Variants in CDH23 observed in about 807,000 individuals in gnomAD.
The protein encoded by CDH23 is cadherin related 23.
Under a neutral mutation model 317.1 loss-of-function variants are expected in CDH23, and 189 were observed. The observed-to-expected ratio is 0.60, with a 90% CI of 0.53 to 0.67. The LOEUF (loss-of-function observed/expected upper bound fraction) is 0.67, where lower values mean the gene tolerates loss of function less well. Among genes scored for constraint, CDH23 ranks in the 30% least tolerant of loss-of-function variants. The probability of loss-of-function intolerance (pLI) is 0.00; values close to 1 mark genes in which losing one functional copy is unlikely to be tolerated. For missense variants in CDH23, 4,401 were observed against 4,592.4 expected, an observed-to-expected ratio of 0.96 and a Z score of 1.20; for synonymous variants, 1,839 against 1,876.8, an observed-to-expected ratio of 0.98 and a Z score of 0.52.
intron 1 of CDH23, among the ~76,000 whole-genome samples, chr10:71,413,989 ATTTTTGTGTGTTGAT>A (rs1291199546): frequency 6.8e-6 from 1 of 147,132 alleles, no homozygotes; most frequent in Non-Finnish European, 1.5e-5. Context: ...AATACAACTG[ATTTTTGTGTGTTGAT>A]TTTTTGTACT....
chr10:71,706,025 A>G (rs554582498), intron 25 of CDH23, among the ~76,000 whole-genome samples: 19 of 151,914 alleles, frequency 1.3e-4, no homozygotes, highest in Admixed American at 2.0e-4. Context: ...CAGTTTCAGG[A>G]CCCCCTTATT....
chr10:71,440,196 C>T (rs974143986), intron 2 of CDH23, among the ~76,000 whole-genome samples: 1 of 152,286 alleles, frequency 6.6e-6, no homozygotes, highest in African/African-American at 2.4e-5. Context: ...CGTCCTCCTC[C>T]TGGGGTGCAG....
At chr10:71,633,895 T>G (rs891468233) in intron 11 of CDH23, among the ~76,000 whole-genome samples, 3 of 152,168 alleles carry the variant, frequency 2.0e-5, no homozygotes, top group Non-Finnish European at 4.4e-5. Flanking sequence ...GAATCACTCT[T>G]GGAGGAGAGG....
At chr10:71,734,630 C>T (rs1311618229) in intron 33 of CDH23, 26 bp from the exon 34 acceptor site, 4 of 1,523,028 alleles carry the variant, frequency 2.6e-6, no homozygotes, top group Non-Finnish European at 3.6e-6. Flanking sequence ...CTCTCACTCC[C>T]CTCCTGCTGC....
At chr10:71,671,858 C>T (rs1277104159) in intron 14 of CDH23, among the ~76,000 whole-genome samples, 1 of 152,190 alleles carries the variant, frequency 6.6e-6, no homozygotes, top group Non-Finnish European at 1.5e-5. Flanking sequence ...ACAGTACTTA[C>T]CTGTGGAGTT....
intron 8 of CDH23, among the ~76,000 whole-genome samples, chr10:71,576,175 C>A (rs538007672): frequency 2.6e-5 from 4 of 152,352 alleles, no homozygotes; most frequent in African/African-American, 9.6e-5. Context: ...TGCACCAGCC[C>A]CCTCGTGTCT....
intron 38 of CDH23, chr10:71,760,600 C>T (rs1307874197): frequency 2.3e-6 from 1 of 427,322 alleles, no homozygotes; most frequent in African/African-American, 2.0e-5. Context: ...TCATGAGGCA[C>T]TTGCCCTGGC....
At chr10:71,674,028 G>T (rs1222263160) in intron 14 of CDH23, among the ~76,000 whole-genome samples, 1 of 152,180 alleles carries the variant, frequency 6.6e-6, no homozygotes, top group Non-Finnish European at 1.5e-5. Flanking sequence ...CATAAGCTGT[G>T]GGGATATTGA....
At chr10:71,632,033 C>T (rs1452907841) in intron 11 of CDH23, among the ~76,000 whole-genome samples, 2 of 152,164 alleles carry the variant, frequency 1.3e-5, no homozygotes, top group Non-Finnish European at 2.9e-5. Context: ...GGCAGTGGGA[C>T]TGTTCTGTAT....
At chr10:71,685,732 C>G (rs1422276919) in intron 18 of CDH23, among the ~76,000 whole-genome samples, 1 of 152,212 alleles carries the variant, frequency 6.6e-6, no homozygotes, top group Admixed American at 6.5e-5. Flanking sequence ...AAGACAGGTG[C>G]CACCTTGGCT....
chr10:71,687,927 ATGT>A (rs2132695676), intron 19 of CDH23, among the ~76,000 whole-genome samples: 1 of 152,302 alleles, frequency 6.6e-6, no homozygotes, highest in East Asian at 1.9e-4. Flanking sequence ...AGCACCTGCT[ATGT>A]GCAGGTGCTG....
At chr10:71,415,850 A>C (rs1848511201) in intron 1 of CDH23, among the ~76,000 whole-genome samples, 1 of 152,244 alleles carries the variant, frequency 6.6e-6, no homozygotes, top group African/African-American at 2.4e-5. Flanking sequence ...TTATGATCAA[A>C]GAATATACTT....
intron 17 of CDH23, 49 bp downstream of exon 17, chr10:71,679,541 G>C (rs754368072): frequency 6.5e-6 from 9 of 1,384,356 alleles, no homozygotes; most frequent in East Asian, 4.9e-5. Context: ...GGGCTGGGGG[G>C]CTCTCTGCAC....
chr10:71,397,915 C>G lies in CDH23; in HGVS notation c.-6+597C>G, dbSNP rs557102504. 6.6e-6 allele frequency among the ~76,000 whole-genome samples: 1 copy of G among 152,334 alleles called. No homozygotes were observed. The highest frequency in any genetic ancestry group is 6.5e-5 in the Admixed American group (1 of 15,304). On this transcript the variant is annotated intron_variant, in intron 1 of 69. Transcript: ENST00000224721. This position sits in a 1 kb window ranked among gnomAD's most constrained non-coding sequence, Gnocchi z 4.8. ...TCGGTCCAGCTATGGGAAGACGCGC[C>G]CCTCGAGGAGCCGGGAGCCTTTTGC...
chr10:71,803,598 G>A (rs548170400), intron 55 of CDH23, among the ~76,000 whole-genome samples, 178 bp downstream of exon 55: 5 of 152,108 alleles, frequency 3.3e-5, no homozygotes, highest in East Asian at 1.9e-4. Flanking sequence ...AACTGAGGCC[G>A]GAGAAGGAAG....
intron 7 of CDH23, among the ~76,000 whole-genome samples, chr10:71,570,447 C>T (rs1342595082): frequency 2.6e-5 from 4 of 152,174 alleles, no homozygotes; most frequent in South Asian, 4.1e-4. Context: ...ATCCCACCAC[C>T]GGATGTCCAA....
chr10:71,449,912 C>T (rs1205029023), intron 3 of CDH23, among the ~76,000 whole-genome samples: 7 of 152,242 alleles, frequency 4.6e-5, no homozygotes, highest in Admixed American at 4.6e-4. Context: ...CCAGTTCCCT[C>T]TGTGTAATGT....
intron 18 of CDH23, among the ~76,000 whole-genome samples, chr10:71,685,431 A>G (rs1864835078): frequency 2.6e-5 from 4 of 152,192 alleles, no homozygotes; most frequent in Admixed American, 2.6e-4. Context: ...AAGGGGCCGG[A>G]GCATGCAGAG....
chr10:71,479,909 A>G (rs1851982213), intron 3 of CDH23, among the ~76,000 whole-genome samples: 1 of 152,154 alleles, frequency 6.6e-6, no homozygotes, highest in Non-Finnish European at 1.5e-5. Context: ...TCCTGTTAGT[A>G]TCATCACAGG....
Sources: allele counts gnomAD v4.1 joint callset (sites outside exome capture counted in the v4.1 genomes callset), GRCh38; gene constraint gnomAD v4.1.1; non-coding constraint Gnocchi (gnomAD v3.1); transcripts MANE v1.5; gene names NCBI Gene and HGNC (gene_info 2026-07-23, HGNC 2026-07-21).